Variants in SORL1 observed in about 807,000 individuals in gnomAD.
SORL1 encodes sortilin related receptor 1.
A neutral mutation model predicts 273.7 loss-of-function variants in SORL1; 127 were observed. The observed-to-expected ratio is 0.46, with a 90% CI of 0.40 to 0.54. The LOEUF is 0.54. Ranked by LOEUF, SORL1 falls within the 20% of genes least tolerant of loss-of-function variation. The pLI, the probability that SORL1 is intolerant of heterozygous loss-of-function variation, is 0.00. For missense variants in SORL1, 2,494 were observed against 2,846.1 expected, an observed-to-expected ratio of 0.88 and a Z score of 2.81; for synonymous variants, 1,031 against 1,067.4, an observed-to-expected ratio of 0.97 and a Z score of 0.66.
chr11:121,490,069 G>T lies in SORL1; in HGVS notation c.717G>T (p.Gln239His). 1.2e-6 allele frequency: 2 copies of T among 1,614,096 alleles called. No homozygotes were observed. ...KQLWKSDDFG[Q>H]TWIMIQEHVK... Reference sequence around the variant, plus strand: ...TGTGGAAGTCAGATGACTTTGGCCAGACCTGGATCATGATTCAGGAACATG... The same window carrying T: ...TGTGGAAGTCAGATGACTTTGGCCATACCTGGATCATGATTCAGGAACATG... Residue 239 changes from glutamine (Q) to histidine (H), a missense_variant, in exon 5 of 48, where the codon CAG (glutamine) becomes CAT (histidine). Around this residue, in one of 3 missense-constraint regions of SORL1, gnomAD observed 710 missense variants for 882.5 expected, o/e 0.80. Coordinates refer to ENST00000260197, the MANE Select transcript of SORL1 (RefSeq NM_003105.6).
chr11:121,616,253 C>T (rs1233975862), intron 41 of SORL1, among the ~76,000 whole-genome samples: 20 of 152,202 alleles, frequency 1.3e-4, no homozygotes, highest in Admixed American at 2.6e-4. Context: ...TTGGAGGAGG[C>T]TTCCTGCACC....
At chr11:121,578,520 A>G (rs1482509380) in intron 25 of SORL1, among the ~76,000 whole-genome samples, 1 of 152,334 alleles carries the variant, frequency 6.6e-6, no homozygotes, top group East Asian at 1.9e-4. Flanking sequence ...ATAACTGTGC[A>G]TTATGCTCTG....
chr11:121,572,223 C>T lies in SORL1; in HGVS notation c.3337+1953C>T, dbSNP rs114708999. Among the ~76,000 whole-genome samples the T allele has an allele frequency of 6.6e-3, 1,010 of 152,244 alleles. 8 individuals carry two copies. The highest frequency in any genetic ancestry group is 0.023 in the African/African-American group (964 of 41,532). On this transcript the variant is annotated intron_variant, in intron 23 of 47. Coordinates refer to ENST00000260197, the MANE Select transcript of SORL1 (RefSeq NM_003105.6). ...GGACAAGCTGAATCTTGTATTGGCT[C>T]CGAGTTTTGAGAGGAATGAAGACCT...
chr11:121,472,226 A>G (rs1861181204), intron 2 of SORL1, among the ~76,000 whole-genome samples: 1 of 152,228 alleles, frequency 6.6e-6, no homozygotes, highest in Admixed American at 6.5e-5. Flanking sequence ...GTCCCTGCCC[A>G]TGGGCATATC....
At chr11:121,525,107 G>A (rs966158293) in intron 11 of SORL1, among the ~76,000 whole-genome samples, 1 of 152,100 alleles carries the variant, frequency 6.6e-6, no homozygotes, top group East Asian at 1.9e-4. Flanking sequence ...TGTGCCCCTC[G>A]GTAATCCATC....
In SORL1 at chr11:121,595,110, G is replaced by A. The variant is rs573457551; in HGVS notation, c.4370-513G>A. Among the ~76,000 whole-genome samples, 16 of 152,332 alleles carry A rather than the reference G, an allele frequency of 1.1e-4. No individual in the cohort carries two copies. In the East Asian group the frequency reaches 2.5e-3, roughly 24 times the overall value. ...CAACCCTCCATTCTTCTATTGGGGT[G>A]ACGTATGGGTTGGTTGCCTCGTGGG... On this transcript the variant is annotated intron_variant, in intron 31 of 47. Transcript: ENST00000260197. This position sits in a 1 kb window ranked among gnomAD's most constrained non-coding sequence, Gnocchi z 5.1.
At position 121,481,538 on chromosome 11, in the gene SORL1, A is replaced by G. The variant is rs183707580; in HGVS notation, c.528+3295A>G. On this transcript the variant is annotated intron_variant, in intron 3 of 47. Transcript: ENST00000260197. Reference sequence around the variant, plus strand: ...TCTCCTCCTCCCCAGCTCCTTCCCTAGTGCACAGATACCTATAGGCAGGCT... The same window carrying G: ...TCTCCTCCTCCCCAGCTCCTTCCCTGGTGCACAGATACCTATAGGCAGGCT... Among the ~76,000 whole-genome samples, 58 of 97,596 alleles carry G rather than the reference A, an allele frequency of 5.9e-4. 4 individuals carry two copies. The highest frequency in any genetic ancestry group is 2.5e-3 in the African/African-American group (53 of 20,900). 64.0% of individuals were successfully genotyped at this position (97,596 alleles called of 152,430 possible).
intron 2 of SORL1, among the ~76,000 whole-genome samples, chr11:121,476,998 C>T (rs1861279170): frequency 6.6e-6 from 1 of 151,956 alleles, no homozygotes; most frequent in Non-Finnish European, 1.5e-5. Context: ...CACTCTGTTG[C>T]CCAGGCTGGT....
Position 121,551,007 on chromosome 11 carries a change from G to T in SORL1, c.2266+337G>T, listed in dbSNP as rs113834150. Reference sequence around the variant, plus strand: ...TCCTTAATCTGTTTGTCAAAGTTGAGTATAAAGAGGTGTGTGACTTCTTAG... The same window carrying T: ...TCCTTAATCTGTTTGTCAAAGTTGATTATAAAGAGGTGTGTGACTTCTTAG... On this transcript the variant is annotated intron_variant, in intron 16 of 47. Transcript: ENST00000260197. Among the ~76,000 whole-genome samples the T allele has an allele frequency of 6.6e-3, 1,007 of 152,294 alleles. 15 individuals carry two copies. The highest frequency in any genetic ancestry group is 0.022 in the African/African-American group (920 of 41,554).
At chr11:121,586,070 G>A in intron 26 of SORL1, 152 bp from the exon 27 acceptor site, 1 of 615,574 alleles carries the variant, frequency 1.6e-6, no homozygotes, top group Non-Finnish European at 3.0e-6. Context: ...AGAATTACTG[G>A]GTCAAAGTGT....
chr11:121,620,807 T>C (rs1464525584), intron 43 of SORL1, among the ~76,000 whole-genome samples: 1 of 152,218 alleles, frequency 6.6e-6, no homozygotes, highest in Non-Finnish European at 1.5e-5. Context: ...GATGTCACGA[T>C]AAATGTGGCC....
At chr11:121,518,810 T>A (rs768178850) in intron 8 of SORL1, among the ~76,000 whole-genome samples, 4 of 152,108 alleles carry the variant, frequency 2.6e-5, no homozygotes, top group Non-Finnish European at 5.9e-5. Context: ...GGTCTTTCTG[T>A]CTGAGGTGGC....
intron 35 of SORL1, 35 bp downstream of exon 35, chr11:121,605,606 A>T: frequency 1.9e-6 from 3 of 1,581,696 alleles, no homozygotes; most frequent in Non-Finnish European, 2.6e-6. Flanking sequence ...GGCATGGGTA[A>T]GACCTCAGGT....
intron 6 of SORL1, among the ~76,000 whole-genome samples, chr11:121,498,438 G>A (rs1861662151): frequency 6.6e-6 from 1 of 152,164 alleles, no homozygotes; most frequent in Non-Finnish European, 1.5e-5. Context: ...GAGTTATTGT[G>A]TGATTTTAAT....
At chr11:121,454,596 A>T (rs1327065580) in intron 1 of SORL1, among the ~76,000 whole-genome samples, 1 of 152,150 alleles carries the variant, frequency 6.6e-6, no homozygotes, top group Non-Finnish European at 1.5e-5. Flanking sequence ...TACAAGGGTG[A>T]GATTTTTCTT....
At position 121,543,578 on chromosome 11, in the gene SORL1, A is replaced by G. The variant is rs931412555; in HGVS notation, c.1716A>G (p.Lys572=). The G allele has an allele frequency of 2.5e-6, 4 of 1,613,960 alleles. No individual in the cohort carries two copies. Among genetic ancestry groups the G allele is most frequent in the Non-Finnish European group, 3.4e-6 (4 of 1,179,916 alleles). The change falls in exon 13 of 48, where the codon AAA becomes AAG. Residue 572 remains lysine (K), a synonymous_variant. Coordinates refer to ENST00000260197, the MANE Select transcript of SORL1 (RefSeq NM_003105.6). Reference sequence around the variant, plus strand: ...GTACCAATGAAGGGGAGACCTGGAAAACATTCATCTTCTCTGAGAAGCCAG... The same window carrying G: ...GTACCAATGAAGGGGAGACCTGGAAGACATTCATCTTCTCTGAGAAGCCAG... ...KYSTNEGETW[K]TFIFSEKPVF...
In SORL1 at chr11:121,558,610, T is replaced by G; in HGVS notation, c.2683T>G (p.Trp895Gly). ...PQEGVMFWTD[W>G]GDLKPGIYRS... ...CGCTAGGGTGATGTTCTGGACAGACTGGGGAGACCTGAAGCCTGGGATTTA... is the reference window on the plus strand; with the variant it reads ...CGCTAGGGTGATGTTCTGGACAGACGGGGGAGACCTGAAGCCTGGGATTTA... The change falls in exon 20 of 48, where the codon TGG (tryptophan) becomes GGG (glycine). Residue 895 changes from tryptophan to glycine, a missense_variant. By Grantham distance (184) the Trp-to-Gly change is radical. Around this residue, in one of 3 missense-constraint regions of SORL1, gnomAD observed 1,609 missense variants for 1,816.4 expected, o/e 0.89. Transcript: ENST00000260197. 6.2e-7 allele frequency: 1 copy of G among 1,614,156 alleles called. No individual in the cohort carries two copies. Among genetic ancestry groups the G allele is most frequent in the African/African-American group, 1.3e-5 (1 of 75,046 alleles).
chr11:121,508,716 A>C (rs557829765), intron 6 of SORL1, among the ~76,000 whole-genome samples: 1 of 152,224 alleles, frequency 6.6e-6, no homozygotes, highest in African/African-American at 2.4e-5. Flanking sequence ...GATTAGGGCA[A>C]ATGAAAACAT....
chr11:121,566,076 T>C (rs888921739), intron 21 of SORL1, among the ~76,000 whole-genome samples: 1 of 152,100 alleles, frequency 6.6e-6, no homozygotes, highest in East Asian at 1.9e-4. Flanking sequence ...TAACCAGGTG[T>C]ATGTTCTAAT....
Sources: allele counts gnomAD v4.1 joint callset (sites outside exome capture counted in the v4.1 genomes callset), GRCh38; gene constraint gnomAD v4.1.1; regional missense constraint gnomAD v4.1.1; non-coding constraint Gnocchi (gnomAD v3.1); transcripts MANE v1.5; gene names NCBI Gene and HGNC (gene_info 2026-07-23, HGNC 2026-07-21).